Variants in NCALD observed in about 807,000 individuals in gnomAD.
NCALD encodes the protein neurocalcin delta.
NCALD carries 10 observed loss-of-function variants against 18.6 expected under a neutral mutation model. The observed-to-expected ratio is 0.54, with a 90% CI of 0.33 to 0.91. The LOEUF (loss-of-function observed/expected upper bound fraction) is 0.91. Ranked by LOEUF, NCALD falls within the 40% of genes least tolerant of loss-of-function variation. The probability of loss-of-function intolerance (pLI) is 0.03; values close to 1 mark genes in which losing one functional copy is unlikely to be tolerated. For synonymous variants in NCALD, 88 were observed against 87.4 expected, an observed-to-expected ratio of 1.01 and a Z score of -0.04; for missense variants, 184 against 247.6, an observed-to-expected ratio of 0.74 and a Z score of 1.72.
At chr8:101,778,103 C>A (rs565503942) in intron 1 of NCALD, among the ~76,000 whole-genome samples, 51 of 152,350 alleles carry the variant, frequency 3.3e-4, no homozygotes, top group African/African-American at 1.2e-3. Context: ...AGTAGTTCAT[C>A]CCTAAAAATA....
chr8:101,820,437 G>A (rs56363119), intron 4 of NCALD, among the ~76,000 whole-genome samples: 11,018 of 152,048 alleles, frequency 0.072, 1,319 homozygotes, highest in African/African-American at 0.25. Context: ...TAGATGAATC[G>A]ATTAATGAAT....
intron 4 of NCALD, among the ~76,000 whole-genome samples, chr8:101,859,774 A>G (rs1289907256): frequency 1.3e-5 from 2 of 152,220 alleles, no homozygotes; most frequent in Admixed American, 6.5e-5. Context: ...TCTATTATGA[A>G]CAATAGAAAT....
intron 1 of NCALD, among the ~76,000 whole-genome samples, chr8:102,114,617 G>GCA (rs773852989): frequency 8.4e-4 from 127 of 151,836 alleles, no homozygotes; most frequent in Non-Finnish European, 1.6e-3. Context: ...GTGGTCTTTA[G>GCA]CACACACACA....
intron 1 of NCALD, among the ~76,000 whole-genome samples, chr8:102,117,081 C>T (rs1440869655): frequency 6.6e-6 from 1 of 152,282 alleles, no homozygotes; most frequent in South Asian, 2.1e-4. Context: ...AGGATGAAGT[C>T]GCCCCTAGAA....
chr8:102,082,301 G>C (rs938596408), intron 1 of NCALD, among the ~76,000 whole-genome samples: 3 of 135,826 alleles, frequency 2.2e-5, no homozygotes, highest in African/African-American at 8.3e-5. Context: ...GGCGCAGTCT[G>C]GGCTCACTGC....
At chr8:101,912,497 A>G (rs1352042899) in intron 3 of NCALD, among the ~76,000 whole-genome samples, 2 of 152,240 alleles carry the variant, frequency 1.3e-5, no homozygotes, top group Non-Finnish European at 1.5e-5. Flanking sequence ...TCTTCAGATA[A>G]TCCTAATTCT....
intron 1 of NCALD, among the ~76,000 whole-genome samples, chr8:102,028,276 A>G (rs1822534167): frequency 6.6e-6 from 1 of 152,278 alleles, no homozygotes; most frequent in Non-Finnish European, 1.5e-5. Flanking sequence ...ACAGGAAGAA[A>G]GCAAGAGAAA....
chr8:101,860,385 T>C (rs1815490543), intron 4 of NCALD, among the ~76,000 whole-genome samples: 1 of 152,110 alleles, frequency 6.6e-6, no homozygotes, highest in South Asian at 2.1e-4. Context: ...CAAAAGTATG[T>C]AGTAGGTTTA....
intron 2 of NCALD, among the ~76,000 whole-genome samples, chr8:102,012,936 C>G (rs1245527979): frequency 6.6e-6 from 1 of 152,132 alleles, no homozygotes; most frequent in African/African-American, 2.4e-5. Flanking sequence ...ACAGTTGTCA[C>G]AATATGTAAT....
chr8:101,704,172 A>T (rs1188609952), intron 2 of NCALD, among the ~76,000 whole-genome samples: 3 of 152,238 alleles, frequency 2.0e-5, no homozygotes, highest in African/African-American at 7.2e-5. Flanking sequence ...GTCTCGGAAG[A>T]AAGTTTAAGA....
At chr8:102,097,107 T>C (rs566745591) in intron 1 of NCALD, among the ~76,000 whole-genome samples, 2 of 152,248 alleles carry the variant, frequency 1.3e-5, no homozygotes, top group South Asian at 4.2e-4. Flanking sequence ...AGAAGTCATG[T>C]ATGTTAGAGG....
At chr8:102,068,445 T>C (rs1457748637) in intron 1 of NCALD, among the ~76,000 whole-genome samples, 1 of 152,238 alleles carries the variant, frequency 6.6e-6, no homozygotes, top group East Asian at 1.9e-4. Flanking sequence ...CCTCTGCACC[T>C]GCTGTTTTCT....
chr8:101,768,017 A>T (rs944254188), intron 1 of NCALD, among the ~76,000 whole-genome samples: 1 of 152,208 alleles, frequency 6.6e-6, no homozygotes, highest in African/African-American at 2.4e-5. Flanking sequence ...GGAAGTTATC[A>T]TCTCTGTTTT....
intron 2 of NCALD, among the ~76,000 whole-genome samples, chr8:101,706,086 G>C (rs1815507155): frequency 6.6e-6 from 1 of 152,192 alleles, no homozygotes; most frequent in South Asian, 2.1e-4. Context: ...CTTTTGCAGA[G>C]CACTTCACAT....
chr8:102,124,491 T>C (rs1394621752), upstream of NCALD: 1 of 91,024 alleles, frequency 1.1e-5, no homozygotes. Flanking sequence ...GCAGGTGCAG[T>C]GGACGCCCCC....
intron 3 of NCALD, among the ~76,000 whole-genome samples, chr8:101,897,692 G>A (rs1035811116): frequency 2.6e-5 from 4 of 152,074 alleles, no homozygotes; most frequent in African/African-American, 9.7e-5. Flanking sequence ...CCAGGAGAGT[G>A]TTTCTGGGTC....
intron 1 of NCALD, among the ~76,000 whole-genome samples, chr8:102,111,290 C>T (rs556843369): frequency 1.3e-5 from 2 of 152,262 alleles, no homozygotes; most frequent in East Asian, 3.9e-4. Context: ...TTTGGCCTGG[C>T]ATGGAAATGG....
chr8:101,860,249 G>A (rs940884065), intron 4 of NCALD, among the ~76,000 whole-genome samples: 5 of 152,118 alleles, frequency 3.3e-5, no homozygotes, highest in South Asian at 2.1e-4. Flanking sequence ...GGAAACTACC[G>A]GAGGTTAGGT....
chr8:101,901,926 G>C (rs917658110), intron 3 of NCALD, among the ~76,000 whole-genome samples: 1 of 151,938 alleles, frequency 6.6e-6, no homozygotes, highest in African/African-American at 2.4e-5. Context: ...AAGTAGCTGG[G>C]GTTACTGGCA....
Sources: gnomAD v4.1 joint callset for allele counts (sites outside exome capture counted in the v4.1 genomes callset) on GRCh38, gnomAD v4.1.1 for gene constraint, MANE v1.5 for transcripts, NCBI Gene and HGNC (gene_info 2026-07-23, HGNC 2026-07-21) for gene names.